IKZF2: variants seen among roughly 807,000 people sequenced by gnomAD.
IKZF2 encodes IKAROS family zinc finger 2, also known as zinc finger protein Helios.
A neutral mutation model predicts 49.2 loss-of-function variants in IKZF2; 15 were observed. The observed-to-expected ratio is 0.30, with a 90% CI of 0.20 to 0.47. The LOEUF is 0.47. Among genes scored for constraint, IKZF2 ranks in the 20% least tolerant of loss-of-function variants. The probability of loss-of-function intolerance (pLI) is 1.00; values close to 1 mark genes in which losing one functional copy is unlikely to be tolerated. For missense variants in IKZF2, 567 were observed against 664.6 expected (o/e 0.85, Z 1.61); for synonymous variants, 227 against 221.4 (o/e 1.03, Z -0.23).
chr2:213,069,945 T>A (rs1024759261), intron 4 of IKZF2, among the ~76,000 whole-genome samples: 1 of 152,142 alleles, frequency 6.6e-6, no homozygotes, highest in Non-Finnish European at 1.5e-5. Flanking sequence ...ACCTATTGCA[T>A]GACTAATTTA....
chr2:213,137,752 A>G (rs1192312429), intron 4 of IKZF2, among the ~76,000 whole-genome samples: 1 of 152,154 alleles, frequency 6.6e-6, no homozygotes, highest in African/African-American at 2.4e-5. Context: ...AAACAAGGAT[A>G]TTTATGAAAA....
At chr2:213,147,843 C>A (rs748180764) in intron 3 of IKZF2, 31 bp from the exon 4 acceptor site, 4 of 1,515,770 alleles carry the variant, frequency 2.6e-6, no homozygotes, top group Non-Finnish European at 3.7e-6. Context: ...CTTTTGGTTT[C>A]TATTCATTGT....
At chr2:213,060,413 T>A (rs1701572882) in intron 4 of IKZF2, among the ~76,000 whole-genome samples, 1 of 151,396 alleles carries the variant, frequency 6.6e-6, no homozygotes, top group Non-Finnish European at 1.5e-5. Context: ...TGTACAATAA[T>A]ATTCAGAGTG....
chr2:213,150,507 C>T (rs2061247997), intron 1 of IKZF2: 2 of 250,122 alleles, frequency 8.0e-6, no homozygotes, highest in South Asian at 9.3e-5. Context: ...TTCCACCCCT[C>T]CCCCTCGTCC....
chr2:213,108,447 G>A (rs949781227), intron 4 of IKZF2, among the ~76,000 whole-genome samples: 1 of 152,064 alleles, frequency 6.6e-6, no homozygotes, highest in Admixed American at 6.6e-5. Context: ...CCTTCTCACT[G>A]TGCCCCACAG....
In IKZF2 at chr2:213,072,134, T is replaced by C. The variant is rs114030058; in HGVS notation, c.140-15035A>G. Among the ~76,000 whole-genome samples the C allele has an allele frequency of 9.1e-3, 1,379 of 152,208 alleles. 14 individuals carry two copies. The highest frequency in any genetic ancestry group is 0.012 in the Non-Finnish European group (831 of 67,980). ...ATGAAATTCACTTGTCAGTTCTGTTTTGAAACAGTGAATTCTCGCCCAGCA... is the reference window on the plus strand; with the variant it reads ...ATGAAATTCACTTGTCAGTTCTGTTCTGAAACAGTGAATTCTCGCCCAGCA... On this transcript the variant is annotated intron_variant, in intron 4 of 8. Transcript: ENST00000434687.
chr2:213,062,762 G>T (rs562342188), intron 4 of IKZF2, among the ~76,000 whole-genome samples: 44 of 151,968 alleles, frequency 2.9e-4, no homozygotes, highest in Admixed American at 1.6e-3. Context: ...GAACCAATAT[G>T]GCTATCTAAT....
intron 6 of IKZF2, among the ~76,000 whole-genome samples, chr2:213,045,058 T>A (rs1012338909): frequency 6.6e-6 from 1 of 152,228 alleles, no homozygotes; most frequent in African/African-American, 2.4e-5. Context: ...AGTAACCACA[T>A]GAGGCTAGTG....
intron 4 of IKZF2, among the ~76,000 whole-genome samples, chr2:213,120,390 C>T (rs549450048): frequency 1.3e-5 from 2 of 152,004 alleles, no homozygotes; most frequent in East Asian, 1.9e-4. Flanking sequence ...TACAGAAATC[C>T]AAGGAAAGGA....
At chr2:213,076,019 A>C (rs1373080653) in intron 4 of IKZF2, among the ~76,000 whole-genome samples, 1 of 152,208 alleles carries the variant, frequency 6.6e-6, no homozygotes, top group Admixed American at 6.5e-5. Context: ...ACAAATTTAA[A>C]ACACACAGAC....
In IKZF2 at chr2:213,124,241, C is replaced by T. The variant is rs753371525; in HGVS notation, c.139+23467G>A. On this transcript the variant is annotated intron_variant, in intron 4 of 8. Transcript: ENST00000434687. ...CCTTGTGTGCACGCACACATGCGCT[C>T]GCGCGCGCGCGCACACACACACACA... Among the ~76,000 whole-genome samples the T allele has an allele frequency of 9.4e-4, 65 of 68,996 alleles. No individual in the cohort carries two copies. In the East Asian group the frequency reaches 0.022, roughly 24 times the overall value. 45.3% of individuals were successfully genotyped at this position (68,996 alleles called of 152,430 possible).
rs533894342 is a variant in IKZF2, at chr2:213,014,394, T to C, written c.713-460A>G. The C allele has an allele frequency of 4.6e-5, 7 of 153,634 alleles. No homozygotes were observed. In the East Asian group the frequency reaches 1.1e-3, roughly 25 times the overall value. The allele number at this position is 153,634 out of a possible 1,614,324, so 9.5% of individuals were successfully genotyped here. On this transcript the variant is annotated intron_variant, in intron 7 of 8. Transcript: ENST00000434687. ...GTATTTAACTGTTTTTCTTAACCCA[T>C]GTATTTTCCTGCAGCGTATTTTCTA...
At chr2:213,134,455 C>T (rs1349207736) in intron 4 of IKZF2, among the ~76,000 whole-genome samples, 1 of 152,192 alleles carries the variant, frequency 6.6e-6, no homozygotes, top group Non-Finnish European at 1.5e-5. Flanking sequence ...CAGTATAGTA[C>T]ACAATCATTT....
At chr2:213,111,913 A>G (rs1308773701) in intron 4 of IKZF2, among the ~76,000 whole-genome samples, 1 of 152,190 alleles carries the variant, frequency 6.6e-6, no homozygotes, top group East Asian at 1.9e-4. Context: ...TGTTAATAAC[A>G]AATTATTACT....
rs13017247 is a variant in IKZF2, at chr2:213,150,130, C to A, written c.-16+14G>T. 8.3e-3 allele frequency: 10,627 copies of A among 1,281,370 alleles called. 55 individuals carry two copies. Among genetic ancestry groups the A allele is most frequent in the Admixed American group, 0.015 (629 of 43,274 alleles). 79.4% of individuals were successfully genotyped at this position (1,281,370 alleles called of 1,614,324 possible). A position where few individuals can be genotyped will look rare whatever the true frequency, so the allele number is the denominator to read the frequency against. ...GAAAAAGAAAAAGGAGAAAGAGAAA[C>A]GAAATGTACATACAAAAGAAATTGT... On this transcript the variant is annotated intron_variant, in intron 2 of 8. Transcript: ENST00000434687.
chr2:213,063,652 T>C (rs950186012), intron 4 of IKZF2, among the ~76,000 whole-genome samples: 10 of 152,036 alleles, frequency 6.6e-5, no homozygotes, highest in African/African-American at 2.4e-4. Flanking sequence ...ATGACTGCAT[T>C]GTAGGAAGGG....
At chr2:213,072,212 G>A (rs1702780648) in intron 4 of IKZF2, among the ~76,000 whole-genome samples, 1 of 151,256 alleles carries the variant, frequency 6.6e-6, no homozygotes, top group Admixed American at 6.6e-5. Context: ...ATCAGCTAAC[G>A]ATGAAATATA....
chr2:213,066,673 T>C (rs1702195973), intron 4 of IKZF2, among the ~76,000 whole-genome samples: 2 of 152,100 alleles, frequency 1.3e-5, no homozygotes, highest in Admixed American at 6.6e-5. Flanking sequence ...CAGATACTTA[T>C]TTTCCACAAT....
chr2:213,044,573 AG>A (rs747355631), intron 6 of IKZF2, among the ~76,000 whole-genome samples: 5 of 152,194 alleles, frequency 3.3e-5, no homozygotes, highest in Non-Finnish European at 7.3e-5. Flanking sequence ...TGTACGACGC[AG>A]GGTAAGGCTT....
Sources: gnomAD v4.1 joint callset for allele counts (sites outside exome capture counted in the v4.1 genomes callset) on GRCh38, gnomAD v4.1.1 for gene constraint, MANE v1.5 for transcripts, NCBI Gene and HGNC (gene_info 2026-07-23, HGNC 2026-07-21) for gene names.